Variants in LRP1B observed in about 807,000 individuals in gnomAD.
LRP1B encodes low-density lipoprotein receptor-related protein 1B.
Under a neutral mutation model 556.6 loss-of-function variants are expected in LRP1B, and 217 were observed. The observed-to-expected ratio is 0.39, with a 90% CI of 0.35 to 0.44. The LOEUF (loss-of-function observed/expected upper bound fraction) is 0.44. Ranked by LOEUF, LRP1B falls within the 20% of genes least tolerant of loss-of-function variation. The pLI, the probability that LRP1B is intolerant of heterozygous loss-of-function variation, is 1.00. For missense variants in LRP1B, 5,053 were observed against 5,620.8 expected (o/e 0.90, Z 3.23); for synonymous variants, 2,047 against 1,865.8 (o/e 1.10, Z -2.50).
chr2:141,215,080 G>T (rs1030451135), intron 6 of LRP1B, among the ~76,000 whole-genome samples: 3 of 152,246 alleles, frequency 2.0e-5, no homozygotes, highest in African/African-American at 7.2e-5. Flanking sequence ...GTGATGTTTG[G>T]GTTATGGGGG....
chr2:141,865,591 CAAA>C (rs78227528), intron 1 of LRP1B, among the ~76,000 whole-genome samples: 1 of 43,336 alleles, frequency 2.3e-5, no homozygotes, highest in Non-Finnish European at 5.4e-5. Context: ...GACTCCGTCT[CAAA>C]AAAAAAAAAA....
At position 141,048,795 on chromosome 2, in the gene LRP1B, T is replaced by C. The variant is rs769317715; in HGVS notation, c.1789+191A>G. ...GACAACACCAAGTCCCATTTTATAATGAAGGCTTTAATACACTGGTATATG... is the reference window on the plus strand; with the variant it reads ...GACAACACCAAGTCCCATTTTATAACGAAGGCTTTAATACACTGGTATATG... On this transcript the variant is annotated intron_variant, in intron 11 of 90. Transcript: ENST00000389484. Among the ~76,000 whole-genome samples the C allele has an allele frequency of 1.0e-3, 152 of 152,130 alleles. 1 individual carries two copies. The highest frequency in any genetic ancestry group is 1.2e-3 in the Non-Finnish European group (82 of 68,014).
chr2:141,882,099 A>G (rs1698977990), intron 1 of LRP1B, among the ~76,000 whole-genome samples: 1 of 152,074 alleles, frequency 6.6e-6, no homozygotes, highest in African/African-American at 2.4e-5. Context: ...TACAAAAGTA[A>G]TACACCCTGC....
At chr2:141,832,337 A>T (rs1270060937) in intron 1 of LRP1B, among the ~76,000 whole-genome samples, 5,380 of 149,906 alleles carry the variant, frequency 0.036, 315 homozygotes, top group African/African-American at 0.12. Context: ...TCACACACAC[A>T]CACACACACA....
At chr2:141,770,991 G>T (rs1340559049) in intron 2 of LRP1B, among the ~76,000 whole-genome samples, 1 of 152,148 alleles carries the variant, frequency 6.6e-6, no homozygotes, top group Admixed American at 6.5e-5. Context: ...CTGAAAAATG[G>T]ATTGAACCAC....
intron 3 of LRP1B, among the ~76,000 whole-genome samples, chr2:141,322,164 T>C (rs185257293): frequency 6.6e-6 from 1 of 152,186 alleles, no homozygotes; most frequent in Non-Finnish European, 1.5e-5. Flanking sequence ...CCAGCAGCTT[T>C]CCACTTTGAG....
intron 32 of LRP1B, among the ~76,000 whole-genome samples, chr2:140,803,375 C>T (rs1283520630): frequency 1.4e-5 from 2 of 146,644 alleles, no homozygotes; most frequent in Non-Finnish European, 3.0e-5. Context: ...CTCCCGGGTT[C>T]AAGAGATTCT....
At chr2:141,787,316 C>T (rs773454117) in intron 2 of LRP1B, among the ~76,000 whole-genome samples, 2 of 151,844 alleles carry the variant, frequency 1.3e-5, no homozygotes, top group Non-Finnish European at 1.5e-5. Context: ...TATTCATAGT[C>T]GCACCAAACT....
At chr2:141,234,368 T>G (rs548727335) in intron 5 of LRP1B, among the ~76,000 whole-genome samples, 1 of 152,044 alleles carries the variant, frequency 6.6e-6, no homozygotes, top group African/African-American at 2.4e-5. Flanking sequence ...ATTATTTATT[T>G]TTTATTTTTT....
At chr2:141,837,403 C>A (rs997463285) in intron 1 of LRP1B, among the ~76,000 whole-genome samples, 6 of 151,964 alleles carry the variant, frequency 3.9e-5, no homozygotes, top group Non-Finnish European at 7.4e-5. Flanking sequence ...TCCTCGAACT[C>A]ATTCCATTTT....
rs1357676901 is a variant in LRP1B, at chr2:140,398,522, G to GTTGTTGTTGTTT, written c.10415-12514_10415-12513insAAACAACAACAA. ...TGTTTTTTCTCTTTCTTTCTCTTTT[G>GTTGTTGTTGTTT]TTGTTGTTGTTGTTTTTGTTTTGAG... On this transcript the variant is annotated intron_variant, in intron 66 of 90. Coordinates refer to ENST00000389484, the MANE Select transcript of LRP1B (RefSeq NM_018557.3). Among the ~76,000 whole-genome samples, 84 of 151,934 alleles carry GTTGTTGTTGTTT rather than the reference G, an allele frequency of 5.5e-4. 2 individuals are homozygous for GTTGTTGTTGTTT. The highest frequency in any genetic ancestry group is 2.0e-3 in the African/African-American group (83 of 41,404).
chr2:142,068,292 T>C (rs1239286037), intron 1 of LRP1B, among the ~76,000 whole-genome samples: 1 of 151,512 alleles, frequency 6.6e-6, no homozygotes. Context: ...ATTTACTTCA[T>C]ATATTTTGTC....
chr2:141,228,709 C>A (rs1264498518), intron 6 of LRP1B, among the ~76,000 whole-genome samples: 3 of 152,168 alleles, frequency 2.0e-5, no homozygotes, highest in East Asian at 3.9e-4. Flanking sequence ...TCACAAATCA[C>A]AAGTTTTTTG....
chr2:140,481,927 C>T (rs574046128), intron 59 of LRP1B, among the ~76,000 whole-genome samples: 1 of 152,214 alleles, frequency 6.6e-6, no homozygotes, highest in East Asian at 1.9e-4. Flanking sequence ...CCTAGAGAGA[C>T]CGTTCTTTTT....
chr2:141,878,078 A>T (rs904045487), intron 1 of LRP1B, among the ~76,000 whole-genome samples: 1 of 147,304 alleles, frequency 6.8e-6, no homozygotes, highest in Non-Finnish European at 1.5e-5. Context: ...AACACTGGTG[A>T]AGTTAAAAAA....
At chr2:141,704,013 T>C (rs1170632233) in intron 2 of LRP1B, among the ~76,000 whole-genome samples, 1 of 151,938 alleles carries the variant, frequency 6.6e-6, no homozygotes, top group Non-Finnish European at 1.5e-5. Context: ...AGGTCTCCAG[T>C]GATTCTGATG....
intron 5 of LRP1B, among the ~76,000 whole-genome samples, chr2:141,237,459 G>T (rs1293205526): frequency 1.3e-5 from 2 of 150,906 alleles, no homozygotes; most frequent in African/African-American, 4.9e-5. Flanking sequence ...TCCTTCCTTG[G>T]CCTCCCAAAG....
At position 140,247,600 on chromosome 2, in the gene LRP1B, T is replaced by TA. The variant is rs1396132548; in HGVS notation, c.13248-439dup. 7.9e-5 allele frequency among the ~76,000 whole-genome samples: 12 copies of TA among 151,694 alleles called. No individual in the cohort carries two copies. The East Asian group carries it at 2.2e-3, about 27-fold the overall frequency. On this transcript the variant is annotated intron_variant, in intron 86 of 90. Transcript: ENST00000389484. The stretch of plus-strand genomic sequence containing the variant: ...GTGGAACTAACTACCAAACAGCAAA[T>TA]AGTCATCTGTCTTATAGTTCAAGCT...
intron 35 of LRP1B, among the ~76,000 whole-genome samples, chr2:140,731,366 A>G (rs548689178): frequency 2.0e-5 from 3 of 152,346 alleles, no homozygotes; most frequent in East Asian, 1.9e-4. Flanking sequence ...CCAATAAACA[A>G]TAATAGGAAT....
Sources: gnomAD v4.1 joint callset for allele counts (sites outside exome capture counted in the v4.1 genomes callset) on GRCh38, gnomAD v4.1.1 for gene constraint, MANE v1.5 for transcripts, NCBI Gene and HGNC (gene_info 2026-07-23, HGNC 2026-07-21) for gene names.